KCNN3: variants seen among roughly 807,000 people sequenced by gnomAD.
KCNN3 encodes the protein small conductance calcium-activated potassium channel protein 3.
A neutral mutation model predicts 62.9 loss-of-function variants in KCNN3; 16 were observed. The ratio of observed to expected loss-of-function variants is 0.25; its 90% CI spans 0.17 to 0.39. KCNN3 has a LOEUF of 0.39. Ranked by LOEUF, KCNN3 falls within the 10% of genes least tolerant of loss-of-function variation. The pLI, the probability that KCNN3 is intolerant of heterozygous loss-of-function variation, is 1.00. For missense variants in KCNN3, 599 were observed against 949.4 expected (o/e 0.63, Z 4.85); for synonymous variants, 370 against 389.2 (o/e 0.95, Z 0.58).
chr1:154,747,812 C>T (rs1700972909), intron 3 of KCNN3, among the ~76,000 whole-genome samples: 2 of 152,162 alleles, frequency 1.3e-5, no homozygotes, highest in African/African-American at 4.8e-5. Flanking sequence ...GAGTGCACTG[C>T]CGCATCTTAT....
chr1:154,750,051 C>T (rs1647293886), intron 3 of KCNN3, among the ~76,000 whole-genome samples: 1 of 152,224 alleles, frequency 6.6e-6, no homozygotes, highest in African/African-American at 2.4e-5. Context: ...CCGGCCCCAA[C>T]TGCCCACAGC....
chr1:154,820,787 G>A (rs1389794901), intron 2 of KCNN3, among the ~76,000 whole-genome samples: 1 of 152,236 alleles, frequency 6.6e-6, no homozygotes, highest in Non-Finnish European at 1.5e-5. Flanking sequence ...AGGCTGAAGA[G>A]TCCCAGCATC....
At chr1:154,861,235 A>G (rs1216386868) in intron 1 of KCNN3, among the ~76,000 whole-genome samples, 1 of 151,966 alleles carries the variant, frequency 6.6e-6, no homozygotes, top group Non-Finnish European at 1.5e-5. Context: ...GATTACAGGT[A>G]TGAGCCACCG....
At chr1:154,718,948 C>T (rs1700288108) in intron 5 of KCNN3, among the ~76,000 whole-genome samples, 1 of 152,208 alleles carries the variant, frequency 6.6e-6, no homozygotes, top group South Asian at 2.1e-4. Context: ...AGCAAGAAAA[C>T]ATACAACAGA....
Position 154,706,071 on chromosome 1 carries a change from C to T in KCNN3, c.*1905G>A, listed in dbSNP as rs1699960722. Reference sequence around the variant, plus strand: ...GCGGCATCTCTGGTATGCAAAACAACTAATGAAAGTGTTCAAAGGAATTAT... The same window carrying T: ...GCGGCATCTCTGGTATGCAAAACAATTAATGAAAGTGTTCAAAGGAATTAT... On this transcript the variant is annotated 3_prime_UTR_variant, in exon 8 of 8. Coordinates refer to ENST00000271915, the MANE Select transcript of KCNN3 (RefSeq NM_002249.6). 1 of 152,182 alleles carries T rather than the reference C, an allele frequency of 6.6e-6. No individual in the cohort carries two copies. Among genetic ancestry groups the T allele is most frequent in the African/African-American group, 2.4e-5 (1 of 41,444 alleles). 9.4% of individuals were successfully genotyped at this position (152,182 alleles called of 1,614,324 possible).
At chr1:154,714,049 G>C (rs1376270077) in intron 6 of KCNN3, among the ~76,000 whole-genome samples, 1 of 85,520 alleles carries the variant, frequency 1.2e-5, no homozygotes, top group Admixed American at 1.3e-4. Context: ...TGGTGTGTGC[G>C]GGGTGTGTGT....
At chr1:154,735,892 G>A (rs892387276) in intron 3 of KCNN3, among the ~76,000 whole-genome samples, 2 of 152,168 alleles carry the variant, frequency 1.3e-5, no homozygotes, top group Admixed American at 6.5e-5. Flanking sequence ...CTGTGGGAGG[G>A]GACACAGAAG....
At chr1:154,770,719 G>A (rs61811438) in intron 3 of KCNN3, among the ~76,000 whole-genome samples, 18,817 of 152,136 alleles carry the variant, frequency 0.12, 1,951 homozygotes, top group East Asian at 0.45. Flanking sequence ...GCAGAATCAC[G>A]GTTTCTAACC....
chr1:154,814,167 G>C (rs748251509), intron 2 of KCNN3, among the ~76,000 whole-genome samples: 2 of 152,250 alleles, frequency 1.3e-5, no homozygotes, highest in African/African-American at 4.8e-5. Context: ...CCAGATGCCA[G>C]GTCTGTGGGC....
chr1:154,835,157 C>T (rs926509989), intron 1 of KCNN3, among the ~76,000 whole-genome samples: 8 of 152,178 alleles, frequency 5.3e-5, no homozygotes, highest in African/African-American at 9.7e-5. Flanking sequence ...AGATAATGAA[C>T]GTGAAAATAC....
rs138582354 is a variant in KCNN3 at position 154,796,432 on chromosome 1, G to A, written c.1030-24039C>T. On this transcript the variant is annotated intron_variant, in intron 2 of 7. Transcript: ENST00000271915. ...GTTGAGGGCAGAGCTGGCATTCCAC[G>A]TCTCTGTATTTCCCATTGGTGCCAA... Among the ~76,000 whole-genome samples the A allele has an allele frequency of 1.2e-3, 182 of 152,112 alleles. 1 individual carries two copies. Among genetic ancestry groups the A allele is most frequent in the African/African-American group, 4.0e-3 (167 of 41,468 alleles).
chr1:154,771,062 A>G (rs538698551), intron 3 of KCNN3, among the ~76,000 whole-genome samples: 32 of 13,482 alleles, frequency 2.4e-3, no homozygotes, highest in South Asian at 3.5e-3. Context: ...ATCTCAGATA[A>G]ATAAATAAAT....
chr1:154,867,983 C>T (rs1221115813), intron 1 of KCNN3: 1 of 985,186 alleles, frequency 1.0e-6, no homozygotes, highest in Non-Finnish European at 1.2e-6. Context: ...GGAGGGAAAC[C>T]CCCTCCTCCG....
chr1:154,827,748 G>A (rs1452770805), intron 1 of KCNN3, among the ~76,000 whole-genome samples: 3 of 151,550 alleles, frequency 2.0e-5, no homozygotes, highest in Admixed American at 6.6e-5. Flanking sequence ...GCAGTGAACC[G>A]AGATCACACC....
At chr1:154,726,374 G>A (rs752758909) in intron 4 of KCNN3, among the ~76,000 whole-genome samples, 4 of 152,194 alleles carry the variant, frequency 2.6e-5, no homozygotes, top group Non-Finnish European at 4.4e-5. Flanking sequence ...GCTGTGCAGC[G>A]GAAGACAGAG....
At chr1:154,755,887 G>C (rs895133435) in intron 3 of KCNN3, among the ~76,000 whole-genome samples, 3 of 132,980 alleles carry the variant, frequency 2.3e-5, no homozygotes, top group African/African-American at 8.8e-5. Context: ...TGAGGAGGAA[G>C]AGGAGGAAGA....
intron 1 of KCNN3, among the ~76,000 whole-genome samples, chr1:154,825,177 G>T (rs1378346082): frequency 6.6e-6 from 1 of 152,082 alleles, no homozygotes; most frequent in Non-Finnish European, 1.5e-5. Context: ...CCCAGGATAG[G>T]GTACCTGCCA....
intron 2 of KCNN3, among the ~76,000 whole-genome samples, chr1:154,791,551 G>A (rs1378238374): frequency 6.6e-6 from 1 of 152,178 alleles, no homozygotes; most frequent in Non-Finnish European, 1.5e-5. Flanking sequence ...AACTGAGAAT[G>A]TGGAGGAGGA....
chr1:154,713,785 A>G (rs1227182319), intron 6 of KCNN3, among the ~76,000 whole-genome samples: 1 of 151,914 alleles, frequency 6.6e-6, no homozygotes, highest in East Asian at 1.9e-4. Flanking sequence ...CCCTGCCTCT[A>G]TGCCTGGGCT....
Sources: allele counts gnomAD v4.1 joint callset (sites outside exome capture counted in the v4.1 genomes callset), GRCh38; gene constraint gnomAD v4.1.1; transcripts MANE v1.5; gene names NCBI Gene and HGNC (gene_info 2026-07-23, HGNC 2026-07-21).